FBRSL1: variants seen among roughly 807,000 people sequenced by gnomAD.
The protein encoded by FBRSL1 is fibrosin-1-like protein.
FBRSL1 carries 51 observed loss-of-function variants against 89.6 expected under a neutral mutation model. The ratio of observed to expected loss-of-function variants is 0.57; its 90% CI spans 0.45 to 0.72. FBRSL1 has a LOEUF of 0.72. Ranked by LOEUF, FBRSL1 falls within the 30% of genes least tolerant of loss-of-function variation. The pLI is 0.00. For synonymous variants in FBRSL1, 779 were observed against 681.1 expected (o/e 1.14, Z -2.24); for missense variants, 1,618 against 1,451.8 (o/e 1.11, Z -1.86).
At chr12:132,496,468 C>G (rs2136354874) in intron 1 of FBRSL1, among the ~76,000 whole-genome samples, 1 of 152,332 alleles carries the variant, frequency 6.6e-6, no homozygotes, top group African/African-American at 2.4e-5. Flanking sequence ...CCTCGTTTCA[C>G]TGTGTTTTCT....
chr12:132,573,465 G>C (rs1212728080), intron 11 of FBRSL1, among the ~76,000 whole-genome samples: 3 of 152,178 alleles, frequency 2.0e-5, no homozygotes, highest in African/African-American at 7.2e-5. Context: ...ATGGAGAAGG[G>C]ATGTATGTGG....
intron 5 of FBRSL1, among the ~76,000 whole-genome samples, chr12:132,566,930 G>A (rs1190022249): frequency 2.0e-5 from 3 of 152,134 alleles, no homozygotes; most frequent in Non-Finnish European, 2.9e-5. Context: ...GAGCTCAGCC[G>A]GCCCGGGAGC....
At chr12:132,500,500 GC>G (rs577829572) in intron 1 of FBRSL1, among the ~76,000 whole-genome samples, 30 of 152,256 alleles carry the variant, frequency 2.0e-4, no homozygotes, top group Middle Eastern at 6.8e-3. Context: ...CCCCCATAGG[GC>G]CAGCCGGTCC....
intron 4 of FBRSL1, among the ~76,000 whole-genome samples, chr12:132,529,583 C>G (rs2036084464): frequency 6.6e-6 from 1 of 151,482 alleles, no homozygotes; most frequent in Non-Finnish European, 1.5e-5. Context: ...CCACCCTGGG[C>G]TCTTCTCTGC....
chr12:132,566,228 T>TATCTATTTA (rs1308567800), intron 5 of FBRSL1: 1 of 152,168 alleles, frequency 6.6e-6, no homozygotes, highest in East Asian at 1.9e-4. Context: ...TGGAAGGGGC[T>TATCTATTTA]AGGTGGCTCT....
intron 2 of FBRSL1, among the ~76,000 whole-genome samples, chr12:132,524,563 G>A (rs1056651416): frequency 3.3e-5 from 5 of 152,346 alleles, no homozygotes; most frequent in African/African-American, 1.2e-4. Context: ...GTCCTGGGAC[G>A]GGTTTCCCCG....
chr12:132,563,363 C>T lies in FBRSL1; in HGVS notation c.646-4118C>T, dbSNP rs1372805405. 5.5e-3 allele frequency among the ~76,000 whole-genome samples: 533 copies of T among 97,314 alleles called. 16 individuals carry two copies. Among genetic ancestry groups the T allele is most frequent in the African/African-American group, 0.02 (500 of 25,006 alleles). The allele number at this position is 97,314 out of a possible 152,430, so 63.8% of individuals were successfully genotyped here. A position where few individuals can be genotyped will look rare whatever the true frequency, so the allele number is the denominator to read the frequency against. On this transcript the variant is annotated intron_variant, in intron 5 of 18. Transcript: ENST00000680143. ...GCACCTCACATCTGGCCCCCCAGCCCGTACCCCACGCCTGGCCCCCACAGC... is the reference window on the plus strand; with the variant it reads ...GCACCTCACATCTGGCCCCCCAGCCTGTACCCCACGCCTGGCCCCCACAGC...
chr12:132,549,199 G>A (rs2137350760), intron 5 of FBRSL1, among the ~76,000 whole-genome samples: 1 of 152,324 alleles, frequency 6.6e-6, no homozygotes, highest in East Asian at 1.9e-4. Flanking sequence ...GGCGCCGTGT[G>A]GGCCGCAGTG....
chr12:132,544,055 A>C (rs1460134767), intron 4 of FBRSL1, among the ~76,000 whole-genome samples: 1 of 152,228 alleles, frequency 6.6e-6, no homozygotes, highest in Non-Finnish European at 1.5e-5. Flanking sequence ...AGGAAGGAAC[A>C]GAGCCCAGTG....
intron 15 of FBRSL1, among the ~76,000 whole-genome samples, chr12:132,577,362 T>C (rs2040445025): frequency 6.6e-6 from 1 of 152,034 alleles, no homozygotes. Flanking sequence ...CCCCTTTCTG[T>C]CTCCCAGCCC....
intron 2 of FBRSL1, chr12:132,509,145 C>T (rs952331694): frequency 8.9e-6 from 11 of 1,237,534 alleles, no homozygotes; most frequent in Non-Finnish European, 1.0e-5. Context: ...CAGGTGGACA[C>T]GTGCTCTTTC....
intron 15 of FBRSL1, among the ~76,000 whole-genome samples, chr12:132,580,000 G>A (rs1351298318): frequency 6.6e-6 from 1 of 152,182 alleles, no homozygotes; most frequent in Non-Finnish European, 1.5e-5. Flanking sequence ...AACTCCGCAG[G>A]CCCTGGCAAT....
At chr12:132,581,099 C>G in intron 15 of FBRSL1, 1 of 985,478 alleles carries the variant, frequency 1.0e-6, no homozygotes, top group East Asian at 1.1e-4. Context: ...ATAAAGGCTT[C>G]AGGAGTGGTC....
At chr12:132,507,031 G>A (rs1020477899) in intron 1 of FBRSL1, 52 of 228,384 alleles carry the variant, frequency 2.3e-4, no homozygotes, top group East Asian at 2.0e-3. Flanking sequence ...GGGCGTGGCC[G>A]GCACCACCAT....
At chr12:132,502,045 G>GGTC (rs1445017099) in intron 1 of FBRSL1, among the ~76,000 whole-genome samples, 1 of 152,312 alleles carries the variant, frequency 6.6e-6, no homozygotes, top group East Asian at 1.9e-4. Context: ...GTGCATGGAC[G>GGTC]GGACATATGT....
intron 5 of FBRSL1, chr12:132,565,642 C>T (rs1164785389): frequency 3.3e-5 from 5 of 152,204 alleles, no homozygotes; most frequent in African/African-American, 7.2e-5. Context: ...TACGTGTACC[C>T]GAGTGTGTGT....
intron 5 of FBRSL1, 24 bp from the exon 6 acceptor site, chr12:132,567,457 C>T: frequency 6.4e-7 from 1 of 1,551,030 alleles, no homozygotes; most frequent in South Asian, 1.2e-5. Context: ...CTGACTGCCC[C>T]TGACCCCCCT....
intron 5 of FBRSL1, among the ~76,000 whole-genome samples, chr12:132,562,508 G>A (rs531275517): frequency 2.0e-5 from 3 of 152,288 alleles, no homozygotes; most frequent in Admixed American, 2.0e-4. Context: ...GGGGTTGGTG[G>A]CTGGGGGCGC....
intron 5 of FBRSL1, chr12:132,551,071 G>C (rs1443764423): frequency 3.2e-6 from 1 of 315,726 alleles, no homozygotes; most frequent in Non-Finnish European, 6.3e-6. Flanking sequence ...GGGCACTGCT[G>C]TGCGAGGCCG....
Sources: gnomAD v4.1 joint callset for allele counts (sites outside exome capture counted in the v4.1 genomes callset) on GRCh38, gnomAD v4.1.1 for gene constraint, MANE v1.5 for transcripts, NCBI Gene and HGNC (gene_info 2026-07-23, HGNC 2026-07-21) for gene names.